The following DLGAP2 variants were observed in gnomAD, a reference collection of about 807,000 sequenced individuals.
DLGAP2 encodes the protein DLG associated protein 2.
In DLGAP2, 26 loss-of-function variants were observed where a neutral mutation model predicts 100.3. The observed-to-expected ratio is 0.26, with a 90% CI of 0.19 to 0.36. The LOEUF (loss-of-function observed/expected upper bound fraction) is 0.36. Ranked by LOEUF, DLGAP2 falls within the 10% of genes least tolerant of loss-of-function variation. The pLI is 1.00. For synonymous variants in DLGAP2, 886 were observed against 630.1 expected (o/e 1.41, Z -6.08); for missense variants, 1,858 against 1,453.2 (o/e 1.28, Z -4.53).
intron 2 of DLGAP2, among the ~76,000 whole-genome samples, chr8:967,500 C>T (rs968311326): frequency 2.2e-4 from 33 of 151,736 alleles, no homozygotes; most frequent in African/African-American, 7.3e-4. Context: ...CAGATTTATT[C>T]GTGTTCAATA....
intron 12 of DLGAP2, among the ~76,000 whole-genome samples, chr8:1,686,223 T>A (rs1309318207): frequency 6.6e-6 from 1 of 152,198 alleles, no homozygotes; most frequent in African/African-American, 2.4e-5. Flanking sequence ...GAAAGTAATG[T>A]GTGTGAATAA....
intron 3 of DLGAP2, among the ~76,000 whole-genome samples, chr8:1,479,268 G>A (rs539200677): frequency 1.3e-5 from 2 of 152,346 alleles, no homozygotes; most frequent in South Asian, 4.1e-4. Context: ...TGCCAAACCA[G>A]GCGGGGATTG....
intron 1 of DLGAP2, among the ~76,000 whole-genome samples, chr8:793,940 G>C (rs12544460): frequency 0.13 from 20,209 of 151,948 alleles, 1,553 homozygotes; most frequent in East Asian, 0.23. Flanking sequence ...GGTTTTCTTC[G>C]CCTGCCATAC....
At chr8:1,373,021 G>T (rs1222342600) in intron 3 of DLGAP2, among the ~76,000 whole-genome samples, 1 of 152,164 alleles carries the variant, frequency 6.6e-6, no homozygotes, top group Non-Finnish European at 1.5e-5. Flanking sequence ...TAGTTGAGCC[G>T]TCCTTGAAGA....
chr8:1,158,732 C>T (rs570609417), intron 2 of DLGAP2, among the ~76,000 whole-genome samples: 17 of 152,334 alleles, frequency 1.1e-4, no homozygotes, highest in South Asian at 4.1e-4. Flanking sequence ...CAGAGCCACG[C>T]GGGTCCTGGT....
At chr8:968,388 A>T (rs1401583114) in intron 2 of DLGAP2, among the ~76,000 whole-genome samples, 1 of 152,090 alleles carries the variant, frequency 6.6e-6, no homozygotes, top group African/African-American at 2.4e-5. Flanking sequence ...GAAGTGACTT[A>T]TGGGGGCTCC....
intron 1 of DLGAP2, among the ~76,000 whole-genome samples, chr8:788,625 A>C (rs1821943583): frequency 6.6e-6 from 1 of 152,250 alleles, no homozygotes; most frequent in Admixed American, 6.5e-5. Context: ...TCAGCTTGGA[A>C]AAAAGTGAAG....
At chr8:1,358,468 C>T (rs909849897) in intron 3 of DLGAP2, among the ~76,000 whole-genome samples, 1 of 152,154 alleles carries the variant, frequency 6.6e-6, no homozygotes, top group Non-Finnish European at 1.5e-5. Flanking sequence ...CACTCACAGA[C>T]GTAACCATGT....
chr8:1,425,910 C>G (rs1422883350), intron 3 of DLGAP2, among the ~76,000 whole-genome samples: 1 of 152,092 alleles, frequency 6.6e-6, no homozygotes, highest in African/African-American at 2.4e-5. Flanking sequence ...AGAAAGGAGA[C>G]TGGGGAAAAG....
chr8:1,079,292 T>G (rs535462391), intron 2 of DLGAP2, among the ~76,000 whole-genome samples: 2 of 152,356 alleles, frequency 1.3e-5, no homozygotes, highest in East Asian at 3.9e-4. Context: ...ATTTTGAATA[T>G]CCACCTTTTA....
At chr8:1,345,193 G>T (rs922726018) in intron 3 of DLGAP2, among the ~76,000 whole-genome samples, 1 of 64,018 alleles carries the variant, frequency 1.6e-5, no homozygotes, top group East Asian at 7.2e-4. Flanking sequence ...CTGTGAAGTA[G>T]AGTTCTGAGG....
chr8:1,451,235 C>G (rs1798150991), intron 3 of DLGAP2, among the ~76,000 whole-genome samples: 1 of 152,118 alleles, frequency 6.6e-6, no homozygotes, highest in Non-Finnish European at 1.5e-5. Flanking sequence ...AGGAACAGGC[C>G]TGTTGCAGCG....
intron 2 of DLGAP2, among the ~76,000 whole-genome samples, chr8:1,132,961 C>A (rs999171063): frequency 1.3e-5 from 2 of 152,144 alleles, no homozygotes; most frequent in Non-Finnish European, 2.9e-5. Flanking sequence ...CCAAGGCCCT[C>A]AGGGAGAAAT....
rs188842469 is a variant in DLGAP2, at chr8:785,074, G to A, written c.18+47249G>A. On this transcript the variant is annotated intron_variant, in intron 1 of 14. Coordinates refer to ENST00000637795, the MANE Select transcript of DLGAP2 (RefSeq NM_001346810.2). ...TACAAAACAATACAAAACATTAGCCGGGTGTGGTGGCAGGCGCCTGTAGTC... is the reference window on the plus strand; with the variant it reads ...TACAAAACAATACAAAACATTAGCCAGGTGTGGTGGCAGGCGCCTGTAGTC... Among the ~76,000 whole-genome samples the A allele has an allele frequency of 3.2e-3, 488 of 151,848 alleles. 3 individuals are homozygous for A. The highest frequency in any genetic ancestry group is 0.011 in the African/African-American group (462 of 41,422).
At chr8:1,224,797 G>A (rs1203266372) in intron 2 of DLGAP2, among the ~76,000 whole-genome samples, 2 of 152,136 alleles carry the variant, frequency 1.3e-5, no homozygotes, top group African/African-American at 4.8e-5. Context: ...ATTCTCCAAG[G>A]AAGATATACA....
intron 1 of DLGAP2, among the ~76,000 whole-genome samples, chr8:895,125 C>T (rs1798119959): frequency 6.6e-6 from 1 of 151,730 alleles, no homozygotes; most frequent in Non-Finnish European, 1.5e-5. Flanking sequence ...TTAATAATAA[C>T]ACAGAGCTGC....
intron 2 of DLGAP2, among the ~76,000 whole-genome samples, chr8:1,073,893 T>C (rs1803509691): frequency 6.6e-6 from 1 of 152,226 alleles, no homozygotes; most frequent in Non-Finnish European, 1.5e-5. Flanking sequence ...AGACTGAGAC[T>C]GAACTCACCC....
chr8:900,443 C>T (rs183659979), intron 1 of DLGAP2, among the ~76,000 whole-genome samples: 31 of 152,360 alleles, frequency 2.0e-4, no homozygotes, highest in Admixed American at 2.0e-3. Context: ...CATCCTCTCA[C>T]TCCTGGTGTT....
intron 2 of DLGAP2, among the ~76,000 whole-genome samples, chr8:1,188,578 C>T (rs13250245): frequency 0.072 from 10,870 of 151,486 alleles, 464 homozygotes; most frequent in Non-Finnish European, 0.11. Flanking sequence ...GTTTCCCTCA[C>T]GGAATCTCAC....
Sources: gnomAD v4.1 joint callset for allele counts (sites outside exome capture counted in the v4.1 genomes callset) on GRCh38, gnomAD v4.1.1 for gene constraint, MANE v1.5 for transcripts, NCBI Gene and HGNC (gene_info 2026-07-23, HGNC 2026-07-21) for gene names.